Variants in DCC observed in about 807,000 individuals in gnomAD.
The protein encoded by DCC is DCC netrin 1 receptor, also known as netrin receptor DCC.
In DCC, 58 loss-of-function variants were observed where a neutral mutation model predicts 172.5. That is an observed-to-expected ratio of 0.34 (90% CI 0.27 to 0.42). The LOEUF is 0.42. Among genes scored for constraint, DCC ranks in the 10% least tolerant of loss-of-function variants. DCC has a pLI of 1.00. For synonymous variants in DCC, 709 were observed against 644.5 expected (o/e 1.10, Z -1.52); for missense variants, 1,740 against 1,791.0 (o/e 0.97, Z 0.51).
At chr18:52,832,857 G>A (rs2038641499) in intron 2 of DCC, among the ~76,000 whole-genome samples, 1 of 152,086 alleles carries the variant, frequency 6.6e-6, no homozygotes, top group Non-Finnish European at 1.5e-5. Flanking sequence ...AATGTAGTAA[G>A]CAAGGCTAAC....
At chr18:52,831,373 T>G (rs35622093) in intron 2 of DCC, among the ~76,000 whole-genome samples, 36,492 of 152,006 alleles carry the variant, frequency 0.24, 5,401 homozygotes, top group African/African-American at 0.43. Context: ...TATGATCTGA[T>G]CAAGCACATC....
intron 1 of DCC, among the ~76,000 whole-genome samples, chr18:52,557,879 C>T (rs12456887): frequency 0.037 from 5,671 of 152,156 alleles, 178 homozygotes; most frequent in East Asian, 0.11. Flanking sequence ...AGACTGGTTT[C>T]GAACTCCTGG....
chr18:52,882,884 T>C (rs189046980), intron 2 of DCC, among the ~76,000 whole-genome samples: 177 of 152,240 alleles, frequency 1.2e-3, no homozygotes, highest in African/African-American at 3.9e-3. Flanking sequence ...TATTGGTGTC[T>C]ATCTCTTCCT....
At chr18:53,429,270 G>A (rs573068764) in intron 21 of DCC, among the ~76,000 whole-genome samples, 7 of 53,728 alleles carry the variant, frequency 1.3e-4, no homozygotes, top group African/African-American at 2.8e-4. Flanking sequence ...GATGGTCTCT[G>A]CAAGAGACCA....
intron 5 of DCC, among the ~76,000 whole-genome samples, chr18:52,938,716 A>G (rs1443445120): frequency 6.6e-6 from 1 of 152,152 alleles, no homozygotes; most frequent in Non-Finnish European, 1.5e-5. Flanking sequence ...GGTTTAATGA[A>G]TATGGCCTCA....
chr18:52,584,632 C>G (rs1190307594), intron 1 of DCC, among the ~76,000 whole-genome samples: 1 of 152,078 alleles, frequency 6.6e-6, no homozygotes, highest in Non-Finnish European at 1.5e-5. Flanking sequence ...AAGTTATTTG[C>G]TCAAGAGATA....
intron 15 of DCC, among the ~76,000 whole-genome samples, chr18:53,363,192 C>G (rs1303322834): frequency 6.6e-6 from 1 of 152,088 alleles, no homozygotes; most frequent in African/African-American, 2.4e-5. Flanking sequence ...GGTGACGTAC[C>G]TTTCACATGC....
Position 52,950,988 on chromosome 18 carries a change from T to C in DCC, c.985+25618T>C, listed in dbSNP as rs1162271273. Among the ~76,000 whole-genome samples, 4 of 142,754 alleles carry C rather than the reference T, an allele frequency of 2.8e-5. No individual in the cohort carries two copies. In the East Asian group the frequency reaches 6.4e-4, roughly 23 times the overall value. The allele number at this position is 142,754 out of a possible 152,430, so 93.7% of individuals were successfully genotyped here. A position where few individuals can be genotyped will look rare whatever the true frequency, so the allele number is the denominator to read the frequency against. On this transcript the variant is annotated intron_variant, in intron 5 of 28. Coordinates refer to ENST00000442544, the MANE Select transcript of DCC (RefSeq NM_005215.4). ...AAAAAAAAAGTCTGAATATATCTCT[T>C]TAGCTATGACCACCTTGAAATGGAT...
chr18:52,697,312 C>T (rs1000506784), intron 1 of DCC, among the ~76,000 whole-genome samples: 4 of 152,300 alleles, frequency 2.6e-5, no homozygotes, highest in Admixed American at 2.0e-4. Context: ...CTGTTATCCA[C>T]AATAGTTATA....
chr18:53,411,003 G>A (rs573172391), intron 20 of DCC, among the ~76,000 whole-genome samples: 1 of 152,068 alleles, frequency 6.6e-6, no homozygotes, highest in East Asian at 1.9e-4. Context: ...TACTATTGCC[G>A]ACTTTAGGTA....
intron 14 of DCC, among the ~76,000 whole-genome samples, chr18:53,328,851 G>C (rs564632408): frequency 6.6e-6 from 1 of 152,152 alleles, no homozygotes; most frequent in Admixed American, 6.5e-5. Flanking sequence ...TTACAGGCAT[G>C]AGCCACTGCA....
chr18:52,449,985 G>A (rs1209976929), intron 1 of DCC, among the ~76,000 whole-genome samples: 1 of 152,094 alleles, frequency 6.6e-6, no homozygotes, highest in African/African-American at 2.4e-5. Flanking sequence ...TTAGCAGCAT[G>A]AGAACAGACT....
intron 1 of DCC, among the ~76,000 whole-genome samples, chr18:52,628,400 G>A (rs1258052015): frequency 6.6e-6 from 1 of 152,178 alleles, no homozygotes; most frequent in Non-Finnish European, 1.5e-5. Flanking sequence ...TTTTAAACAT[G>A]TCATTGCTTT....
chr18:53,535,088 G>GT lies in DCC; in HGVS notation c.*4441dup, dbSNP rs2046560719. On this transcript the variant is annotated 3_prime_UTR_variant, in exon 29 of 29. Transcript: ENST00000442544. ...AATGATGGAGAGGAGGAGAAATGCT[G>GT]TTTTTTATTATTGTAGGGTAAATCT... The GT allele has an allele frequency of 9.6e-6, 1 of 104,536 alleles. No individual in the cohort carries two copies. The highest frequency in any genetic ancestry group is 3.8e-5 in the African/African-American group (1 of 26,646). The allele number at this position is 104,536 out of a possible 1,614,324, so 6.5% of individuals were successfully genotyped here.
chr18:53,168,219 T>C (rs956664578), intron 8 of DCC, among the ~76,000 whole-genome samples: 3 of 152,122 alleles, frequency 2.0e-5, no homozygotes, highest in Non-Finnish European at 2.9e-5. Context: ...ACTGGGTATA[T>C]ACCCAAAGGA....
intron 22 of DCC, among the ~76,000 whole-genome samples, chr18:53,440,682 T>C (rs920596906): frequency 1.3e-5 from 2 of 152,196 alleles, no homozygotes; most frequent in African/African-American, 4.8e-5. Flanking sequence ...TTTACAGCTT[T>C]TTTTCCAGAT....
intron 5 of DCC, among the ~76,000 whole-genome samples, chr18:52,977,746 G>A (rs1478527139): frequency 6.6e-6 from 1 of 151,706 alleles, no homozygotes; most frequent in Non-Finnish European, 1.5e-5. Flanking sequence ...TTAGCCGGAC[G>A]TGGTGGCAGG....
At chr18:53,028,389 A>G (rs1020120163) in intron 5 of DCC, among the ~76,000 whole-genome samples, 3 of 152,126 alleles carry the variant, frequency 2.0e-5, no homozygotes, top group African/African-American at 7.2e-5. Context: ...CCCCCCAGCT[A>G]AACAGACTTG....
intron 7 of DCC, among the ~76,000 whole-genome samples, chr18:53,095,808 T>C (rs1423541168): frequency 1.3e-5 from 2 of 150,442 alleles, no homozygotes; most frequent in Middle Eastern, 3.2e-3. Flanking sequence ...TTTTTTTTTT[T>C]TGGAGGGTAT....
Sources: allele counts gnomAD v4.1 joint callset (sites outside exome capture counted in the v4.1 genomes callset), GRCh38; gene constraint gnomAD v4.1.1; transcripts MANE v1.5; gene names NCBI Gene and HGNC (gene_info 2026-07-23, HGNC 2026-07-21).